Variants in PLEKHG3 observed in about 807,000 individuals in gnomAD.
PLEKHG3 encodes pleckstrin homology and RhoGEF domain containing G3, also known as pleckstrin homology domain-containing family G member 3.
Under a neutral mutation model 94.9 loss-of-function variants are expected in PLEKHG3, and 62 were observed. The observed-to-expected ratio is 0.65, with a 90% CI of 0.53 to 0.81. The LOEUF (loss-of-function observed/expected upper bound fraction) is 0.81. PLEKHG3 is among the 30% of genes least tolerant of loss of function. The pLI, the probability that PLEKHG3 is intolerant of heterozygous loss-of-function variation, is 0.00. For missense variants in PLEKHG3, 1,461 were observed against 1,619.3 expected (o/e 0.90, Z 1.68); for synonymous variants, 614 against 654.0 (o/e 0.94, Z 0.93).
rs2081161714 is a variant in PLEKHG3 at position 64,716,498 on chromosome 14, CA to C, written c.-39-11094del. ...ACACACACAACACACACACACACAA[CA>C]CACACACACACACACACACACACAC... is the stretch of plus-strand genomic sequence containing the variant. On this transcript the variant is annotated intron_variant, in intron 1 of 16. Transcript: ENST00000247226. The surrounding 1 kb of genome is among the most constrained non-coding windows in gnomAD (Gnocchi z 5.0). 3.8e-5 allele frequency among the ~76,000 whole-genome samples: 3 copies of C among 78,810 alleles called. No homozygotes were observed. The highest frequency in any genetic ancestry group is 7.9e-5 in the Non-Finnish European group (3 of 38,164). The allele number at this position is 78,810 out of a possible 152,430, so 51.7% of individuals were successfully genotyped here. A position where few individuals can be genotyped will look rare whatever the true frequency, so the allele number is the denominator to read the frequency against.
At position 64,716,496 on chromosome 14, in the gene PLEKHG3, A is replaced by ACACACACACACACAC. The variant is rs1555359440; in HGVS notation, c.-39-11097_-39-11096insCACACACACACACAC. 1.3e-5 allele frequency among the ~76,000 whole-genome samples: 1 copy of ACACACACACACACAC among 79,500 alleles called. No individual in the cohort carries two copies. Among genetic ancestry groups the ACACACACACACACAC allele is most frequent in the Non-Finnish European group, 2.4e-5 (1 of 41,158 alleles). 52.2% of individuals were successfully genotyped at this position (79,500 alleles called of 152,430 possible). A position where few individuals can be genotyped will look rare whatever the true frequency, so the allele number is the denominator to read the frequency against. ...ACACACACACAACACACACACACAC[A>ACACACACACACACAC]ACACACACACACACACACACACACA... On this transcript the variant is annotated intron_variant, in intron 1 of 16. Transcript: ENST00000247226. The surrounding 1 kb of genome is among the most constrained non-coding windows in gnomAD (Gnocchi z 5.0).
At position 64,716,099 on chromosome 14, in the gene PLEKHG3, A is replaced by T. The variant is rs781715620; in HGVS notation, c.-40+11395A>T. ...AGCTCTCCTGAGGAAAGCGGTAGGT[A>T]CCCGGCTGGGGCCAGGCCAGGGGAT... is the stretch of plus-strand genomic sequence containing the variant. On this transcript the variant is annotated intron_variant, in intron 1 of 16. Coordinates refer to ENST00000247226, the MANE Select transcript of PLEKHG3 (RefSeq NM_001308147.2). The surrounding 1 kb of genome is among the most constrained non-coding windows in gnomAD (Gnocchi z 5.0). 3.1e-4 allele frequency: 140 copies of T among 455,452 alleles called. 3 individuals are homozygous for T. Among genetic ancestry groups the T allele is most frequent in the South Asian group, 2.2e-3 (139 of 64,488 alleles). 28.2% of individuals were successfully genotyped at this position (455,452 alleles called of 1,614,324 possible). A position where few individuals can be genotyped will look rare whatever the true frequency, so the allele number is the denominator to read the frequency against.
chr14:64,749,414 G>T lies in PLEKHG3; in HGVS notation c.*5711G>T, dbSNP rs1348448749. ...GGGGCAGGCTCTGCGCCTTGACGCG[G>T]ATGCTCTGGGACTCGTTGATGGCGG... On this transcript the variant is annotated 3_prime_UTR_variant, in exon 17 of 17. Transcript: ENST00000247226. The surrounding 1 kb of genome is among the most constrained non-coding windows in gnomAD (Gnocchi z 4.7). 6.2e-7 allele frequency: 1 copy of T among 1,607,082 alleles called. No individual in the cohort carries two copies.
In PLEKHG3 at chr14:64,741,913, A is replaced by T; in HGVS notation, c.2396A>T (p.Asp799Val). 6.3e-7 allele frequency: 1 copy of T among 1,593,558 alleles called. No individual in the cohort carries two copies. The highest frequency in any genetic ancestry group is 8.5e-7 in the Non-Finnish European group (1 of 1,171,210). ...LPGPSQAVKG[D>V]PPPISDAEFR... Reference sequence around the variant, plus strand: ...GGACCAAGCCAGGCAGTCAAAGGGGACCCACCTCCCATCTCAGATGCTGAG... The same window carrying T: ...GGACCAAGCCAGGCAGTCAAAGGGGTCCCACCTCCCATCTCAGATGCTGAG... Residue 799 changes from aspartate (D) to valine (V), a missense_variant, in exon 16 of 17, where the codon GAC becomes GTC. Asp to Val is a radical substitution (Grantham distance 152). This residue lies in a region of PLEKHG3 where 1,201 missense variants were observed against 1,295.5 expected (regional missense o/e 0.93). Transcript: ENST00000247226.
At position 64,749,133 on chromosome 14, in the gene PLEKHG3, G is replaced by A; in HGVS notation, c.*5430G>A. 1 of 706,430 alleles carries A rather than the reference G, an allele frequency of 1.4e-6. No homozygotes were observed. Among genetic ancestry groups the A allele is most frequent in the East Asian group, 3.2e-5 (1 of 31,442 alleles). The allele number at this position is 706,430 out of a possible 1,614,324, so 43.8% of individuals were successfully genotyped here. A position where few individuals can be genotyped will look rare whatever the true frequency, so the allele number is the denominator to read the frequency against. ...GGGCGAGGGCATGGAGGGGGCGTCG[G>A]CCCAGGACACGCGGGCGAAGGCAGC... On this transcript the variant is annotated 3_prime_UTR_variant, in exon 17 of 17. Coordinates refer to ENST00000247226, the MANE Select transcript of PLEKHG3 (RefSeq NM_001308147.2). The surrounding 1 kb of genome is among the most constrained non-coding windows in gnomAD (Gnocchi z 4.7).
rs2081847377 is a variant in PLEKHG3 at position 64,746,671 on chromosome 14, G to A, written c.*2968G>A. The A allele has an allele frequency of 6.6e-6, 1 of 152,442 alleles. No individual in the cohort carries two copies. Among genetic ancestry groups the A allele is most frequent in the South Asian group, 2.1e-4 (1 of 4,826 alleles). The allele number at this position is 152,442 out of a possible 1,614,324, so 9.4% of individuals were successfully genotyped here. A position where few individuals can be genotyped will look rare whatever the true frequency, so the allele number is the denominator to read the frequency against. ...TAGGGGTGTTGGTGGAGGCCAGGTT[G>A]GGGAGGGAAGCCTAAGGACCCTCCA... On this transcript the variant is annotated 3_prime_UTR_variant, in exon 17 of 17. Coordinates refer to ENST00000247226, the MANE Select transcript of PLEKHG3 (RefSeq NM_001308147.2). The surrounding 1 kb of genome is among the most constrained non-coding windows in gnomAD (Gnocchi z 4.9).
Position 64,731,911 on chromosome 14 carries a change from T to A in PLEKHG3, c.1125+105T>A. The A allele has an allele frequency of 1.1e-6, 1 of 909,502 alleles. No homozygotes were observed. Among genetic ancestry groups the A allele is most frequent in the East Asian group, 2.5e-5 (1 of 39,264 alleles). 56.3% of individuals were successfully genotyped at this position (909,502 alleles called of 1,614,324 possible). A position where few individuals can be genotyped will look rare whatever the true frequency, so the allele number is the denominator to read the frequency against. ...CACCTAGCTGCCCCAAGCCCCAGTG[T>A]CTCCATCTGTGAGGCAAGGATCATT... On this transcript the variant is annotated intron_variant, in intron 9 of 16. Transcript: ENST00000247226. This position sits in a 1 kb window ranked among gnomAD's most constrained non-coding sequence, Gnocchi z 6.1.
intron 12 of PLEKHG3, among the ~76,000 whole-genome samples, chr14:64,734,581 A>G (rs780183530): frequency 6.6e-6 from 1 of 152,240 alleles, no homozygotes; most frequent in Non-Finnish European, 1.5e-5. Flanking sequence ...CACTCAGGAA[A>G]TGAGCCATTT....
rs2081641032 is a variant in PLEKHG3, at chr14:64,739,448, G to T, written c.1518+593G>T. Among the ~76,000 whole-genome samples the T allele has an allele frequency of 6.6e-6, 1 of 152,188 alleles. No individual in the cohort carries two copies. Among genetic ancestry groups the T allele is most frequent in the South Asian group, 2.1e-4 (1 of 4,834 alleles). On this transcript the variant is annotated intron_variant, in intron 15 of 16. Coordinates refer to ENST00000247226, the MANE Select transcript of PLEKHG3 (RefSeq NM_001308147.2). This position sits in a 1 kb window ranked among gnomAD's most constrained non-coding sequence, Gnocchi z 4.1. The stretch of plus-strand genomic sequence containing the variant: ...TCCTGCTGCCCTATGCTGTCTGTGG[G>T]TTGTAGGAAGCAGCATCCTTTACTT...
In PLEKHG3 at chr14:64,731,775, A is replaced by C. The variant is rs975231589; in HGVS notation, c.1094A>C (p.Tyr365Ser). ...TCCCTGTGCTTCACTGTCACCCACT[A>C]CAAGCACAGCAAGCAGCAGTACAGC... ...RDSLCFTVTH[Y>S]KHSKQQYSIQ... is the part of the protein sequence containing the mutation. The change falls in exon 9 of 17, where the codon TAC (tyrosine) becomes TCC (serine). Residue 365 changes from tyrosine (Y) to serine (S), a missense_variant. By Grantham distance (144) the Tyr-to-Ser change is moderately radical. This residue lies in a region of PLEKHG3 where 1,201 missense variants were observed against 1,295.5 expected (regional missense o/e 0.93). Coordinates refer to ENST00000247226, the MANE Select transcript of PLEKHG3 (RefSeq NM_001308147.2). The surrounding 1 kb of genome is among the most constrained non-coding windows in gnomAD (Gnocchi z 6.1). 1 of 1,613,454 alleles carries C rather than the reference A, an allele frequency of 6.2e-7. No individual in the cohort carries two copies. The highest frequency in any genetic ancestry group is 1.3e-5 in the African/African-American group (1 of 74,952).
chr14:64,731,741 A>G lies in PLEKHG3; in HGVS notation c.1060A>G (p.Thr354Ala). 3.1e-6 allele frequency: 5 copies of G among 1,613,688 alleles called. No homozygotes were observed. Among genetic ancestry groups the G allele is most frequent in the Non-Finnish European group, 4.2e-6 (5 of 1,179,752 alleles). ...PCSSLMLIES[T>A]RDSLCFTVTH... is the part of the protein sequence containing the mutation. Reference sequence around the variant, plus strand: ...CTCCTCCCTGATGCTGATCGAAAGCACCAGAGACTCCCTGTGCTTCACTGT... The same window carrying G: ...CTCCTCCCTGATGCTGATCGAAAGCGCCAGAGACTCCCTGTGCTTCACTGT... The change falls in exon 9 of 17, where the codon ACC becomes GCC. Residue 354 changes from threonine to alanine, a missense_variant. Thr to Ala is a moderately conservative substitution (Grantham distance 58). Transcript: ENST00000247226. The surrounding 1 kb of genome is among the most constrained non-coding windows in gnomAD (Gnocchi z 6.1).
At position 64,750,027 on chromosome 14, in the gene PLEKHG3, C is replaced by T. The variant is rs749750489; in HGVS notation, c.*6324C>T. 1.9e-6 allele frequency: 3 copies of T among 1,614,228 alleles called. No individual in the cohort carries two copies. Among genetic ancestry groups the T allele is most frequent in the Admixed American group, 1.7e-5 (1 of 60,028 alleles). On this transcript the variant is annotated 3_prime_UTR_variant, in exon 17 of 17. Transcript: ENST00000247226. ...TTCTTCTTGTAGTTGGCAGCAATCT[C>T]ACAGATGGCATGTCTCAGGGCCAGG...
In PLEKHG3 at chr14:64,725,141, G is replaced by A. The variant is rs1003787584; in HGVS notation, c.-39-2452G>A. ...ATCCTCTTACAGTGGGATCCCCAGAGAGGGACCCTCAAAAGGTCCCTTTTA... is the reference window on the plus strand; with the variant it reads ...ATCCTCTTACAGTGGGATCCCCAGAAAGGGACCCTCAAAAGGTCCCTTTTA... On this transcript the variant is annotated intron_variant, in intron 1 of 16. Transcript: ENST00000247226. The surrounding 1 kb of genome is among the most constrained non-coding windows in gnomAD (Gnocchi z 5.0). Among the ~76,000 whole-genome samples, 1 of 152,216 alleles carries A rather than the reference G, an allele frequency of 6.6e-6. No homozygotes were observed. The highest frequency in any genetic ancestry group is 2.4e-5 in the African/African-American group (1 of 41,460).
chr14:64,712,475 G>C lies in PLEKHG3; in HGVS notation c.-40+7771G>C, dbSNP rs192519431. On this transcript the variant is annotated intron_variant, in intron 1 of 16. Transcript: ENST00000247226. ...TTCCATGAACAAGGAATGTCTTTTA[G>C]GTCTTCTTTAATTTCTTTCAACAGT... Among the ~76,000 whole-genome samples the C allele has an allele frequency of 4.0e-4, 61 of 152,246 alleles. 1 individual carries two copies. The highest frequency in any genetic ancestry group is 1.4e-3 in the African/African-American group (60 of 41,550).
Position 64,732,368 on chromosome 14 carries a change from G to A in PLEKHG3, c.1213-59G>A. ...CTCGTACAGCAACAGTGGGTCCTAT[G>A]GGCAGGGAAGGCCGGCACATGGTAA... On this transcript the variant is annotated intron_variant, in intron 10 of 16. Transcript: ENST00000247226. The surrounding 1 kb of genome is among the most constrained non-coding windows in gnomAD (Gnocchi z 4.9). The A allele has an allele frequency of 1.3e-6, 2 of 1,513,080 alleles. No individual in the cohort carries two copies. The highest frequency in any genetic ancestry group is 2.3e-5 in the East Asian group (1 of 44,398). The allele number at this position is 1,513,080 out of a possible 1,614,324, so 93.7% of individuals were successfully genotyped here. A position where few individuals can be genotyped will look rare whatever the true frequency, so the allele number is the denominator to read the frequency against.
In PLEKHG3 at chr14:64,737,359, G is replaced by C; in HGVS notation, c.1388G>C (p.Arg463Pro). 1.2e-6 allele frequency: 2 copies of C among 1,601,584 alleles called. No individual in the cohort carries two copies. The highest frequency in any genetic ancestry group is 1.7e-6 in the Non-Finnish European group (2 of 1,174,650). Residue 463 changes from arginine to proline, a missense_variant, in exon 14 of 17, where the codon CGA (arginine) becomes CCA (proline). This residue lies in a region of PLEKHG3 where 1,201 missense variants were observed against 1,295.5 expected (regional missense o/e 0.93). Transcript: ENST00000247226. ...HLLRQLNEKA[R>P]AAGMKGKGRR... Reference sequence around the variant, plus strand: ...GACCCGGTGGTGATGTCTGCAGCCCGAGCAGCAGGAATGAAGGTAAAGGCC... The same window carrying C: ...GACCCGGTGGTGATGTCTGCAGCCCCAGCAGCAGGAATGAAGGTAAAGGCC...
At position 64,739,003 on chromosome 14, in the gene PLEKHG3, T is replaced by G; in HGVS notation, c.1518+148T>G. On this transcript the variant is annotated intron_variant, in intron 15 of 16. Transcript: ENST00000247226. The surrounding 1 kb of genome is among the most constrained non-coding windows in gnomAD (Gnocchi z 4.1). ...ACCTCCCAGGACTCTCAGCCCTGCA[T>G]GAAGCCTGTTTGGCCTAGAGTATAT... 2 of 636,474 alleles carry G rather than the reference T, an allele frequency of 3.1e-6. No homozygotes were observed. The highest frequency in any genetic ancestry group is 2.7e-5 in the East Asian group (1 of 36,384). 39.4% of individuals were successfully genotyped at this position (636,474 alleles called of 1,614,324 possible). A position where few individuals can be genotyped will look rare whatever the true frequency, so the allele number is the denominator to read the frequency against.
chr14:64,727,607 GCCCT>G lies in PLEKHG3; in HGVS notation c.-21_-18del. ...TCTTGTTGCAGAATCTCCCTGGGGTGCCCTCCCCAGGCAGCAATGCCAGGATGCC... is the reference window on the plus strand; with the variant it reads ...TCTTGTTGCAGAATCTCCCTGGGGTGCCCCAGGCAGCAATGCCAGGATGCC... On this transcript the variant is annotated 5_prime_UTR_variant, in exon 2 of 17. Transcript: ENST00000247226. This position sits in a 1 kb window ranked among gnomAD's most constrained non-coding sequence, Gnocchi z 6.0. The G allele has an allele frequency of 7.2e-7, 1 of 1,391,236 alleles. No homozygotes were observed. The highest frequency in any genetic ancestry group is 1.0e-6 in the Non-Finnish European group (1 of 981,132). The allele number at this position is 1,391,236 out of a possible 1,614,324, so 86.2% of individuals were successfully genotyped here. A position where few individuals can be genotyped will look rare whatever the true frequency, so the allele number is the denominator to read the frequency against.
rs61353996 is a variant in PLEKHG3, at chr14:64,716,462, AC to A, written c.-39-11130del. ...CACACACACACACACACACACACAC[AC>A]ACAACACACACACACACAACACACA... On this transcript the variant is annotated intron_variant, in intron 1 of 16. Transcript: ENST00000247226. The surrounding 1 kb of genome is among the most constrained non-coding windows in gnomAD (Gnocchi z 5.0). Among the ~76,000 whole-genome samples the A allele has an allele frequency of 4.2e-4, 50 of 119,580 alleles. No individual in the cohort carries two copies. The highest frequency in any genetic ancestry group is 1.4e-3 in the African/African-American group (45 of 31,254). The allele number at this position is 119,580 out of a possible 152,430, so 78.4% of individuals were successfully genotyped here.
Sources: allele counts gnomAD v4.1 joint callset (sites outside exome capture counted in the v4.1 genomes callset), GRCh38; gene constraint gnomAD v4.1.1; regional missense constraint gnomAD v4.1.1; non-coding constraint Gnocchi (gnomAD v3.1); transcripts MANE v1.5; gene names NCBI Gene and HGNC (gene_info 2026-07-23, HGNC 2026-07-21).